Variants in NUP133 observed in about 807,000 individuals in gnomAD.
NUP133 encodes nuclear pore complex protein Nup133.
A neutral mutation model predicts 146.2 loss-of-function variants in NUP133; 66 were observed. The ratio of observed to expected loss-of-function variants is 0.45; its 90% CI spans 0.37 to 0.55. The LOEUF (loss-of-function observed/expected upper bound fraction) is 0.55. NUP133 is among the 20% of genes least tolerant of loss of function. The pLI is 0.00. For synonymous variants in NUP133, 521 were observed against 498.8 expected (o/e 1.04, Z -0.59); for missense variants, 1,277 against 1,374.8 (o/e 0.93, Z 1.12).
chr1:229,505,901 T>TA (rs554011595), intron 2 of NUP133, 139 bp downstream of exon 2: 158 of 531,782 alleles, frequency 3.0e-4, no homozygotes, highest in African/African-American at 2.2e-3. Context: ...AAAATAAAAA[T>TA]AAAAAAACAC....
rs1188375350 is a variant in NUP133, at chr1:229,502,043, C to T, written c.361G>A (p.Glu121Lys). ...EGGWACLVCKEKLIIWKIALS... is the reference protein window; with the variant it reads ...EGGWACLVCKKKLIIWKIALS... ...GCAATCTTCCAAATAATGAGCTTCT[C>T]TTTGCACACCAGACAAGCCCATCCA... is the stretch of plus-strand genomic sequence containing the variant. The change falls in exon 3 of 26, where the codon GAG (glutamate) becomes AAG (lysine). Residue 121 changes from glutamate to lysine, a missense_variant. Physicochemically the swap from Glu to Lys is moderately conservative, Grantham distance 56. Transcript: ENST00000261396. The T allele has an allele frequency of 4.3e-6, 7 of 1,614,022 alleles. No individual in the cohort carries two copies. Among genetic ancestry groups the T allele is most frequent in the Admixed American group, 3.3e-5 (2 of 60,018 alleles).
chr1:229,499,575 C>G (rs113477392), intron 5 of NUP133, 109 bp downstream of exon 5: 1 of 1,196,668 alleles, frequency 8.4e-7, no homozygotes, highest in South Asian at 1.6e-5. Context: ...TTGAGAATTG[C>G]CTGGGCAACA....
intron 19 of NUP133, among the ~76,000 whole-genome samples, chr1:229,461,814 A>ATTTTTT (rs1660697740): frequency 6.6e-6 from 1 of 152,226 alleles, no homozygotes; most frequent in Non-Finnish European, 1.5e-5. Context: ...TAATTTTAAA[A>ATTTTTT]TCATGATCAG....
chr1:229,498,650 G>T (rs10916493), intron 5 of NUP133, among the ~76,000 whole-genome samples: 28,303 of 151,770 alleles, frequency 0.19, 2,819 homozygotes, highest in Middle Eastern at 0.24. Context: ...CAGCCACTTG[G>T]GAGGCAGAGG....
At chr1:229,451,401 T>C (rs970165771) in intron 22 of NUP133, among the ~76,000 whole-genome samples, 58 of 143,324 alleles carry the variant, frequency 4.0e-4, no homozygotes, top group African/African-American at 1.6e-3. Context: ...CAAGATCTTG[T>C]CTCTAAAAAA....
chr1:229,508,040 G>A, intron 1 of NUP133, 28 bp downstream of exon 1: 1 of 1,435,522 alleles, frequency 7.0e-7, no homozygotes, highest in Non-Finnish European at 9.2e-7. Flanking sequence ...GCTGTTGGTT[G>A]CCAGACCCAA....
intron 4 of NUP133, 88 bp from the exon 5 acceptor site, chr1:229,499,906 G>T: frequency 4.9e-6 from 7 of 1,431,058 alleles, no homozygotes; most frequent in Non-Finnish European, 6.7e-6. Flanking sequence ...AAAGAAACAG[G>T]ACAATTTACT....
rs192601217 is a variant in NUP133, at chr1:229,452,272, A to G, written c.3099+253T>C. ...TTGTCCTATACTAGAAAAGCAAAAT[A>G]TAAGTAATTTCTCCTGGTCACCTAG... On this transcript the variant is annotated intron_variant, in intron 22 of 25. Transcript: ENST00000261396. Among the ~76,000 whole-genome samples the G allele has an allele frequency of 3.7e-3, 564 of 152,358 alleles. 4 individuals are homozygous for G. The highest frequency in any genetic ancestry group is 3.2e-3 in the Non-Finnish European group (219 of 68,034).
intron 25 of NUP133, among the ~76,000 whole-genome samples, chr1:229,444,642 T>C (rs1239450229): frequency 6.6e-6 from 1 of 151,588 alleles, no homozygotes; most frequent in Non-Finnish European, 1.5e-5. Context: ...AGGTCAGGAG[T>C]TCGAGACCAG....
In NUP133 at chr1:229,486,493, C is replaced by T. The variant is rs1383533269; in HGVS notation, c.1378G>A (p.Val460Ile). The T allele has an allele frequency of 4.3e-6, 7 of 1,610,282 alleles. No individual in the cohort carries two copies. Among genetic ancestry groups the T allele is most frequent in the Non-Finnish European group, 5.9e-6 (7 of 1,178,992 alleles). Residue 460 changes from valine (V) to isoleucine (I), a missense_variant, in exon 11 of 26, where the codon GTT becomes ATT. By Grantham distance (29) the Val-to-Ile change is conservative. Coordinates refer to ENST00000261396, the MANE Select transcript of NUP133 (RefSeq NM_018230.3). ...CTGTTTCTAGAAAAAATGATAGGAA[C>T]ACCACCACAGGCACCAGCACCTAAA... ...SVLGAGACGG[V>I]PIIFSRNSGL...
At chr1:229,464,353 A>C (rs745427824) in intron 18 of NUP133, among the ~76,000 whole-genome samples, 33 of 152,098 alleles carry the variant, frequency 2.2e-4, no homozygotes, top group Non-Finnish European at 3.8e-4. Context: ...TATTCACGTA[A>C]AGGTCTGTGA....
intron 8 of NUP133, among the ~76,000 whole-genome samples, chr1:229,492,695 A>G (rs948261819): frequency 1.3e-5 from 2 of 152,016 alleles, no homozygotes; most frequent in African/African-American, 2.4e-5. Flanking sequence ...GTTCTCACCT[A>G]TAAGTGGGAG....
intron 24 of NUP133, 61 bp downstream of exon 24, chr1:229,449,065 G>T: frequency 1.6e-6 from 2 of 1,234,688 alleles, no homozygotes; most frequent in Non-Finnish European, 2.4e-6. Context: ...CTGTCATGTG[G>T]TGAGAGCAGA....
chr1:229,465,288 G>C lies in NUP133; in HGVS notation c.2299+132C>G, dbSNP rs114550803. On this transcript the variant is annotated intron_variant, in intron 17 of 25. Transcript: ENST00000261396. ...GGGACGAATAAAGTGATTTTGACAA[G>C]AGCTGCTCATTTTGGAGACGGCACT... 2,857 of 696,232 alleles carry C rather than the reference G, an allele frequency of 4.1e-3. 58 individuals are homozygous for C. In the African/African-American group the frequency reaches 0.042, roughly 10 times the overall value. 43.1% of individuals were successfully genotyped at this position (696,232 alleles called of 1,614,324 possible). A position where few individuals can be genotyped will look rare whatever the true frequency, so the allele number is the denominator to read the frequency against.
intron 12 of NUP133, among the ~76,000 whole-genome samples, chr1:229,483,399 C>T (rs940657441): frequency 6.6e-6 from 1 of 152,074 alleles, no homozygotes; most frequent in African/African-American, 2.4e-5. Flanking sequence ...CCACACCAGG[C>T]CATAATTCTT....
intron 9 of NUP133, 99 bp downstream of exon 9, chr1:229,489,856 A>G: frequency 3.5e-6 from 4 of 1,128,550 alleles, no homozygotes; most frequent in Non-Finnish European, 4.8e-6. Context: ...AGCCTGGGTG[A>G]CAGAGCAAAA....
chr1:229,464,473 GAATA>G, intron 18 of NUP133, 147 bp downstream of exon 18: 1 of 895,696 alleles, frequency 1.1e-6, no homozygotes, highest in Middle Eastern at 3.5e-4. Context: ...AAAAAAAGTT[GAATA>G]AATGAGCACA....
At chr1:229,487,971 G>C (rs377594707) in intron 9 of NUP133, among the ~76,000 whole-genome samples, 18 of 150,392 alleles carry the variant, frequency 1.2e-4, no homozygotes, top group African/African-American at 3.9e-4. Flanking sequence ...AGCCTCCTAA[G>C]TAGCTGGGAT....
intron 10 of NUP133, 133 bp from the exon 11 acceptor site, chr1:229,486,661 A>G: frequency 1.3e-6 from 1 of 746,476 alleles, no homozygotes; most frequent in Non-Finnish European, 2.1e-6. Context: ...CATTAGTCCT[A>G]CTTCGAACTC....
Sources: allele counts gnomAD v4.1 joint callset (sites outside exome capture counted in the v4.1 genomes callset), GRCh38; gene constraint gnomAD v4.1.1; transcripts MANE v1.5; gene names NCBI Gene and HGNC (gene_info 2026-07-23, HGNC 2026-07-21).